UTRN: variants seen among roughly 807,000 people sequenced by gnomAD.
The protein encoded by UTRN is dystrophin-related protein 1.
Under a neutral mutation model 463.9 loss-of-function variants are expected in UTRN, and 283 were observed. The ratio of observed to expected loss-of-function variants is 0.61; its 90% CI spans 0.55 to 0.67. The LOEUF (loss-of-function observed/expected upper bound fraction) is 0.67. Among genes scored for constraint, UTRN ranks in the 30% least tolerant of loss-of-function variants. The pLI is 0.00. For synonymous variants in UTRN, 1,442 were observed against 1,431.5 expected (o/e 1.01, Z -0.17); for missense variants, 3,922 against 4,084.3 (o/e 0.96, Z 1.08).
chr6:144,700,385 T>G, intron 53 of UTRN, 142 bp downstream of exon 53: 1 of 986,228 alleles, frequency 1.0e-6, no homozygotes, highest in Non-Finnish European at 1.4e-6. Flanking sequence ...TAGTTGCCAG[T>G]AGACATTTAA....
intron 52 of UTRN, among the ~76,000 whole-genome samples, chr6:144,690,130 T>TGTGTGTGTGTGTGTGTGTG (rs1562770946): frequency 8.7e-6 from 1 of 115,148 alleles, no homozygotes; most frequent in African/African-American, 3.4e-5. Context: ...TGTGTGTGTG[T>TGTGTGTGTGTGTGTGTGTG]TAAGCTACCA....
intron 54 of UTRN, among the ~76,000 whole-genome samples, chr6:144,738,127 C>A (rs962549226): frequency 6.6e-6 from 1 of 152,206 alleles, no homozygotes; most frequent in African/African-American, 2.4e-5. Flanking sequence ...TTTTGGCTGG[C>A]TTTTGACTCA....
chr6:144,484,300 C>T (rs1388678424), intron 27 of UTRN, among the ~76,000 whole-genome samples: 1 of 152,014 alleles, frequency 6.6e-6, no homozygotes, highest in Admixed American at 6.6e-5. Flanking sequence ...GGGAAGGCTA[C>T]ATTGCAAACT....
chr6:144,772,060 G>C (rs1171864253), intron 59 of UTRN, 92 bp downstream of exon 59: 1 of 716,734 alleles, frequency 1.4e-6, no homozygotes, highest in Non-Finnish European at 1.9e-6. Context: ...TTTTAAGGTG[G>C]ATTCTCGCTG....
At chr6:144,734,078 C>G (rs892329094) in intron 54 of UTRN, among the ~76,000 whole-genome samples, 3 of 152,062 alleles carry the variant, frequency 2.0e-5, no homozygotes, top group African/African-American at 4.8e-5. Context: ...ATTACAAGAA[C>G]ATTTTTATGA....
At chr6:144,757,154 C>T (rs1244880084) in intron 57 of UTRN, among the ~76,000 whole-genome samples, 1 of 146,422 alleles carries the variant, frequency 6.8e-6, no homozygotes, top group Non-Finnish European at 1.5e-5. Context: ...TTCACATGTA[C>T]TATTCTTCTT....
At chr6:144,323,363 T>G (rs1775784649) in intron 2 of UTRN, among the ~76,000 whole-genome samples, 1 of 152,184 alleles carries the variant, frequency 6.6e-6, no homozygotes, top group Admixed American at 6.5e-5. Flanking sequence ...TTATCAAGAT[T>G]AATAGACAAA....
chr6:144,313,773 G>T (rs1029432511), intron 2 of UTRN, among the ~76,000 whole-genome samples: 1 of 152,154 alleles, frequency 6.6e-6, no homozygotes, highest in Non-Finnish European at 1.5e-5. Flanking sequence ...TCTATTTCTG[G>T]GGGAGAGATG....
chr6:144,834,385 A>C (rs1014991028), intron 69 of UTRN, among the ~76,000 whole-genome samples: 6 of 152,224 alleles, frequency 3.9e-5, no homozygotes, highest in African/African-American at 1.4e-4. Context: ...TAAATCAACA[A>C]GTGGCACATC....
chr6:144,775,247 T>TA (rs1775219852), intron 60 of UTRN, among the ~76,000 whole-genome samples: 1 of 152,148 alleles, frequency 6.6e-6, no homozygotes, highest in African/African-American at 2.4e-5. Context: ...AAGTTAGCAA[T>TA]AAATTTTAAG....
chr6:144,540,011 C>T (rs1797853655), intron 45 of UTRN, among the ~76,000 whole-genome samples: 1 of 149,856 alleles, frequency 6.7e-6, no homozygotes. Flanking sequence ...CCACTGGACC[C>T]CAGCCTGGGT....
At chr6:144,365,321 G>GTT (rs1779417890) in intron 2 of UTRN, among the ~76,000 whole-genome samples, 1 of 152,132 alleles carries the variant, frequency 6.6e-6, no homozygotes, top group African/African-American at 2.4e-5. Flanking sequence ...TGATGCATAT[G>GTT]TTTGTCTGAT....
intron 23 of UTRN, among the ~76,000 whole-genome samples, chr6:144,472,061 G>A (rs537776617): frequency 1.7e-4 from 26 of 152,288 alleles, no homozygotes; most frequent in Non-Finnish European, 2.5e-4. Context: ...GGTCATTTAC[G>A]TCATAATCTT....
Position 144,482,318 on chromosome 6 carries a change from A to C in UTRN, c.3617A>C (p.Glu1206Ala), listed in dbSNP as rs747779281. Residue 1206 changes from glutamate to alanine, a missense_variant, in exon 27 of 75, where the codon GAG becomes GCG. Around this residue, in one of 3 missense-constraint regions of UTRN, gnomAD observed 2,349 missense variants for 2,303.8 expected, o/e 1.02. Coordinates refer to ENST00000367545, the MANE Select transcript of UTRN (RefSeq NM_007124.3). ...VPSGGQELTS[E>A]LNVVLENYQL... ...TCTGGTGGCCAGGAGTTGACGTCTGAGCTGAATGTTGTGCTGGAGAATTAC... is the reference window on the plus strand; with the variant it reads ...TCTGGTGGCCAGGAGTTGACGTCTGCGCTGAATGTTGTGCTGGAGAATTAC... 10 of 1,608,676 alleles carry C rather than the reference A, an allele frequency of 6.2e-6. No individual in the cohort carries two copies. The highest frequency in any genetic ancestry group is 5.4e-5 in the African/African-American group (4 of 74,718).
chr6:144,734,626 C>T (rs1789156648), intron 54 of UTRN, among the ~76,000 whole-genome samples: 1 of 152,164 alleles, frequency 6.6e-6, no homozygotes, highest in Admixed American at 6.6e-5. Context: ...CAAGTCCTGT[C>T]ATCACTACAT....
intron 2 of UTRN, among the ~76,000 whole-genome samples, chr6:144,319,763 G>T (rs1271467059): frequency 6.6e-6 from 1 of 151,842 alleles, no homozygotes; most frequent in Non-Finnish European, 1.5e-5. Context: ...CGACAGGCTG[G>T]TCTCAAACTC....
chr6:144,480,749 T>C (rs1028534012), intron 26 of UTRN, among the ~76,000 whole-genome samples: 1 of 152,196 alleles, frequency 6.6e-6, no homozygotes, highest in African/African-American at 2.4e-5. Flanking sequence ...AGCTTTTTTT[T>C]CCTGTAAGCT....
rs1175013236 is a variant in UTRN, at chr6:144,516,246, A to G, written c.5262A>G (p.Glu1754=). Residue 1754 remains glutamate (E), a synonymous_variant, in exon 38 of 75, where the codon GAA becomes GAG. Coordinates refer to ENST00000367545, the MANE Select transcript of UTRN (RefSeq NM_007124.3). ...TTCTACAGTTGCTAATTGCTCAGGAACCATTATACCAATGTTTGGTCACCA... is the reference window on the plus strand; with the variant it reads ...TTCTACAGTTGCTAATTGCTCAGGAGCCATTATACCAATGTTTGGTCACCA... ...IKSAKLLIAQ[E]PLYQCLVTTE... The G allele has an allele frequency of 1.2e-6, 2 of 1,612,816 alleles. No homozygotes were observed. Among genetic ancestry groups the G allele is most frequent in the Admixed American group, 3.3e-5 (2 of 59,748 alleles).
intron 48 of UTRN, among the ~76,000 whole-genome samples, chr6:144,553,115 G>A: frequency 6.6e-6 from 1 of 152,150 alleles, no homozygotes; most frequent in Non-Finnish European, 1.5e-5. Flanking sequence ...TTGACTCACT[G>A]CAACCTCTGC....
Sources: gnomAD v4.1 joint callset for allele counts (sites outside exome capture counted in the v4.1 genomes callset) on GRCh38, gnomAD v4.1.1 for gene constraint, gnomAD v4.1.1 regional missense constraint, MANE v1.5 for transcripts, NCBI Gene and HGNC (gene_info 2026-07-23, HGNC 2026-07-21) for gene names.